The following HIP1 variants were observed in gnomAD, a reference collection of about 807,000 sequenced individuals.
The protein encoded by HIP1 is huntingtin-interacting protein 1.
HIP1 carries 65 observed loss-of-function variants against 147.6 expected under a neutral mutation model. The observed-to-expected ratio is 0.44, with a 90% CI of 0.36 to 0.54. HIP1 has a LOEUF of 0.54. Among genes scored for constraint, HIP1 ranks in the 20% least tolerant of loss-of-function variants. The pLI is 0.00. For missense variants in HIP1, 1,061 were observed against 1,299.6 expected (o/e 0.82, Z 2.82); for synonymous variants, 479 against 504.0 (o/e 0.95, Z 0.67).
intron 1 of HIP1, among the ~76,000 whole-genome samples, chr7:75,615,966 G>A (rs1554505901): frequency 2.0e-5 from 3 of 149,660 alleles, no homozygotes; most frequent in Admixed American, 6.7e-5. Context: ...CGCACCTGTA[G>A]TCCCAGCTAC....
At chr7:75,705,958 C>G (rs1800978573) in intron 1 of HIP1, among the ~76,000 whole-genome samples, 1 of 152,032 alleles carries the variant, frequency 6.6e-6, no homozygotes, top group South Asian at 2.1e-4. Flanking sequence ...GTGGCGCGAT[C>G]TTGGCTCACT....
intron 1 of HIP1, among the ~76,000 whole-genome samples, chr7:75,647,583 C>T (rs533331634): frequency 6.6e-6 from 1 of 152,232 alleles, no homozygotes; most frequent in Admixed American, 6.5e-5. Context: ...ACATGAAAGG[C>T]GGAATGAGTG....
chr7:75,551,494 C>T (rs1278784884), intron 22 of HIP1, among the ~76,000 whole-genome samples: 3 of 150,876 alleles, frequency 2.0e-5, no homozygotes, highest in Admixed American at 2.0e-4. Flanking sequence ...GGATTACAGG[C>T]GTGAGCCACC....
chr7:75,659,742 G>A (rs1457630612), intron 1 of HIP1, among the ~76,000 whole-genome samples: 1 of 152,134 alleles, frequency 6.6e-6, no homozygotes, highest in Non-Finnish European at 1.5e-5. Context: ...AAAAACTCAC[G>A]GTCTTCCTCT....
intron 5 of HIP1, among the ~76,000 whole-genome samples, chr7:75,583,526 C>T (rs1210844759): frequency 6.6e-6 from 1 of 152,208 alleles, no homozygotes; most frequent in South Asian, 2.1e-4. Context: ...CCTGGTGAGG[C>T]GCTTCATCCT....
chr7:75,573,943 G>T, intron 7 of HIP1, 42 bp from the exon 8 acceptor site: 1 of 1,582,626 alleles, frequency 6.3e-7, no homozygotes, highest in South Asian at 1.1e-5. Context: ...AGAGCCAGGG[G>T]ATTACAGGCA....
chr7:75,628,474 T>C lies in HIP1; in HGVS notation c.121-29227A>G, dbSNP rs1584897995. ...ATATTATAATTTTATCTCCTGTACC[T>C]CTTTTTTTTTTTTTTTTTTTTTGAG... On this transcript the variant is annotated intron_variant, in intron 1 of 30. Coordinates refer to ENST00000336926, the MANE Select transcript of HIP1 (RefSeq NM_005338.7). 3.1e-5 allele frequency among the ~76,000 whole-genome samples: 4 copies of C among 130,370 alleles called. No individual in the cohort carries two copies. The South Asian group carries it at 9.9e-4, about 32-fold the overall frequency. 85.5% of individuals were successfully genotyped at this position (130,370 alleles called of 152,430 possible).
chr7:75,604,562 A>G (rs1797143144), intron 1 of HIP1, among the ~76,000 whole-genome samples: 2 of 152,064 alleles, frequency 1.3e-5, no homozygotes, highest in Non-Finnish European at 2.9e-5. Context: ...GCTACTCTGG[A>G]GACTGAGGTG....
chr7:75,693,026 G>A (rs1203456659), intron 1 of HIP1, among the ~76,000 whole-genome samples: 3 of 151,794 alleles, frequency 2.0e-5, no homozygotes, highest in Non-Finnish European at 4.4e-5. Context: ...CTAGCCAGGC[G>A]TGGTGCTACG....
intron 23 of HIP1, among the ~76,000 whole-genome samples, chr7:75,548,268 C>G (rs138914171): frequency 0.013 from 1,945 of 151,444 alleles, 38 homozygotes; most frequent in African/African-American, 0.038. Context: ...ACCTCATGAT[C>G]TGCCTGCCTC....
intron 27 of HIP1, among the ~76,000 whole-genome samples, 157 bp from the exon 28 acceptor site, chr7:75,543,131 T>C (rs1179818955): frequency 6.6e-6 from 1 of 152,202 alleles, no homozygotes; most frequent in African/African-American, 2.4e-5. Context: ...GCTCCTGACA[T>C]ATCTATCATA....
intron 1 of HIP1, among the ~76,000 whole-genome samples, chr7:75,663,180 G>A (rs1554513888): frequency 6.6e-6 from 1 of 152,182 alleles, no homozygotes; most frequent in Non-Finnish European, 1.5e-5. Context: ...GGCAAGTTCT[G>A]TTTTGAATCA....
intron 1 of HIP1, among the ~76,000 whole-genome samples, chr7:75,665,761 G>A (rs908388404): frequency 5.3e-5 from 8 of 151,796 alleles, no homozygotes; most frequent in Non-Finnish European, 1.0e-4. Context: ...GGCTGGTCTC[G>A]AACTCCTGGA....
intron 5 of HIP1, among the ~76,000 whole-genome samples, chr7:75,585,645 C>T (rs587625067): frequency 6.6e-6 from 1 of 152,046 alleles, no homozygotes; most frequent in East Asian, 1.9e-4. Context: ...GCCCGACTCC[C>T]CGCCTCAGCC....
At chr7:75,587,407 A>G (rs1554499813) in intron 4 of HIP1, among the ~76,000 whole-genome samples, 3 of 152,238 alleles carry the variant, frequency 2.0e-5, no homozygotes, top group African/African-American at 7.2e-5. Context: ...TAAATGTAAA[A>G]TAGAATCAAT....
At chr7:75,617,512 C>T (rs1797710489) in intron 1 of HIP1, among the ~76,000 whole-genome samples, 1 of 152,138 alleles carries the variant, frequency 6.6e-6, no homozygotes, top group Admixed American at 6.6e-5. Flanking sequence ...CCACCGCGCC[C>T]AGCCTCAGCC....
chr7:75,735,928 C>T (rs572793620), intron 1 of HIP1, among the ~76,000 whole-genome samples: 1 of 151,876 alleles, frequency 6.6e-6, no homozygotes, highest in Non-Finnish European at 1.5e-5. Context: ...TCTCCTACAC[C>T]CCTAAAGAGT....
At chr7:75,736,061 G>A (rs1162181726) in intron 1 of HIP1, among the ~76,000 whole-genome samples, 8 of 149,190 alleles carry the variant, frequency 5.4e-5, no homozygotes, top group South Asian at 2.1e-4. Flanking sequence ...TGAGACCTCC[G>A]TCTTAAAAAA....
rs1554492559 is a variant in HIP1, at chr7:75,553,580, T to C, written c.2168A>G (p.Glu723Gly). 1 of 1,613,876 alleles carries C rather than the reference T, an allele frequency of 6.2e-7. No homozygotes were observed. Among genetic ancestry groups the C allele is most frequent in the South Asian group, 1.1e-5 (1 of 91,080 alleles). ...TTCCCTGCCATACTGCTTACAGGCC[T>C]CGGTCAGTGCTGGAGATACAAGGCA... is the stretch of plus-strand genomic sequence containing the variant. ...APPEPADSLT[E>G]ACKQYGRETL... The change falls in exon 22 of 31, where the codon GAG becomes GGG. Residue 723 changes from glutamate to glycine, a missense_variant. Around this residue, in one of 3 missense-constraint regions of HIP1, gnomAD observed 810 missense variants for 946.8 expected, o/e 0.86. Coordinates refer to ENST00000336926, the MANE Select transcript of HIP1 (RefSeq NM_005338.7).
Sources: gnomAD v4.1 joint callset for allele counts (sites outside exome capture counted in the v4.1 genomes callset) on GRCh38, gnomAD v4.1.1 for gene constraint, gnomAD v4.1.1 regional missense constraint, MANE v1.5 for transcripts, NCBI Gene and HGNC (gene_info 2026-07-23, HGNC 2026-07-21) for gene names.